TOX: variants seen among roughly 807,000 people sequenced by gnomAD.
The protein encoded by TOX is thymocyte selection associated high mobility group box, also known as thymocyte selection-associated high mobility group box protein TOX.
TOX carries 11 observed loss-of-function variants against 53.7 expected under a neutral mutation model. That is an observed-to-expected ratio of 0.20 (90% confidence interval 0.13 to 0.34). The LOEUF (loss-of-function observed/expected upper bound fraction) is 0.34, where lower values mean the gene tolerates loss of function less well. Among genes scored for constraint, TOX ranks in the 10% least tolerant of loss-of-function variants. TOX has a pLI of 1.00. For missense variants in TOX, 570 were observed against 664.6 expected, an observed-to-expected ratio of 0.86 and a Z score of 1.56; for synonymous variants, 225 against 245.3, an observed-to-expected ratio of 0.92 and a Z score of 0.77.
intron 3 of TOX, among the ~76,000 whole-genome samples, chr8:58,865,256 GT>G (rs1300962654): frequency 2.0e-5 from 3 of 152,066 alleles, no homozygotes; most frequent in Admixed American, 1.3e-4. Context: ...CTCTGGTGTG[GT>G]CCCTGCCATT....
chr8:58,815,536 G>C lies in TOX; in HGVS notation c.1194C>G (p.Pro398=), dbSNP rs756112914. Residue 398 remains proline (P), a synonymous_variant, in exon 7 of 9, where the codon CCC becomes CCG. Coordinates refer to ENST00000361421, the MANE Select transcript of TOX (RefSeq NM_014729.3). ...MHPSLPRNIA[P]KPNNQMPVTV... is the part of the protein sequence containing the mutation. ...TCACTGGCATTTGGTTATTCGGCTT[G>C]GGGGCTATGTTCCTGGGGAGACTAG... 1.9e-6 allele frequency: 3 copies of C among 1,613,980 alleles called. No homozygotes were observed. In the South Asian group the frequency reaches 3.3e-5, roughly 18 times the overall value.
At chr8:59,066,567 G>A (rs995813746) in intron 1 of TOX, among the ~76,000 whole-genome samples, 1 of 152,078 alleles carries the variant, frequency 6.6e-6, no homozygotes, top group Non-Finnish European at 1.5e-5. Flanking sequence ...CAGATTGCCT[G>A]CCTTCCCTCT....
chr8:59,025,540 G>C (rs1452455240), intron 1 of TOX, among the ~76,000 whole-genome samples: 9 of 152,018 alleles, frequency 5.9e-5, no homozygotes, highest in African/African-American at 2.2e-4. Flanking sequence ...TACACTTCTA[G>C]CCTTCTCTAT....
At chr8:58,884,435 T>A (rs1237969673) in intron 3 of TOX, among the ~76,000 whole-genome samples, 1 of 152,172 alleles carries the variant, frequency 6.6e-6, no homozygotes, top group Non-Finnish European at 1.5e-5. Context: ...TCAAAGTGGA[T>A]ACTAATGTAT....
At chr8:59,036,725 T>C (rs989864329) in intron 1 of TOX, among the ~76,000 whole-genome samples, 5 of 152,252 alleles carry the variant, frequency 3.3e-5, no homozygotes, top group Admixed American at 1.3e-4. Context: ...TATTCATTAC[T>C]GGTCTTAACA....
intron 1 of TOX, among the ~76,000 whole-genome samples, chr8:59,016,104 A>G (rs911841972): frequency 1.3e-5 from 2 of 152,160 alleles, no homozygotes; most frequent in Non-Finnish European, 2.9e-5. Context: ...TAGTCACTAA[A>G]TTGGTCTTCT....
intron 1 of TOX, among the ~76,000 whole-genome samples, chr8:59,018,873 T>G (rs983450708): frequency 6.6e-6 from 1 of 152,156 alleles, no homozygotes; most frequent in Non-Finnish European, 1.5e-5. Flanking sequence ...AACAGAATAA[T>G]TGTAATTTTT....
intron 3 of TOX, among the ~76,000 whole-genome samples, chr8:58,859,737 G>A (rs568648272): frequency 1.3e-5 from 2 of 152,190 alleles, no homozygotes; most frequent in Admixed American, 6.5e-5. Flanking sequence ...CTTCTTCCAC[G>A]AATGGGCCCC....
intron 1 of TOX, among the ~76,000 whole-genome samples, chr8:59,013,116 T>C (rs182826762): frequency 7.9e-5 from 12 of 152,290 alleles, no homozygotes; most frequent in African/African-American, 2.9e-4. Context: ...AGCAATGTTT[T>C]CTCAATTCTT....
chr8:59,064,458 A>G (rs1193493654), intron 1 of TOX, among the ~76,000 whole-genome samples: 5 of 152,268 alleles, frequency 3.3e-5, no homozygotes, highest in Non-Finnish European at 7.3e-5. Flanking sequence ...AAACTGCTAT[A>G]TAACTTGCAA....
intron 1 of TOX, among the ~76,000 whole-genome samples, chr8:59,086,262 G>A (rs1451923437): frequency 6.6e-6 from 1 of 152,096 alleles, no homozygotes; most frequent in Non-Finnish European, 1.5e-5. Flanking sequence ...TGGGATTACA[G>A]GTGTGAGCCA....
chr8:58,893,111 T>TGGGG (rs1342415169), intron 3 of TOX, among the ~76,000 whole-genome samples: 3 of 152,326 alleles, frequency 2.0e-5, no homozygotes, highest in African/African-American at 7.2e-5. Flanking sequence ...AACTCAGCAA[T>TGGGG]CTGTAACTGC....
At chr8:58,840,145 T>C (rs906070420) in intron 4 of TOX, among the ~76,000 whole-genome samples, 1 of 152,210 alleles carries the variant, frequency 6.6e-6, no homozygotes, top group Non-Finnish European at 1.5e-5. Flanking sequence ...ATGAAAGATA[T>C]ACCTAAGCAC....
chr8:59,021,463 C>CAAAAAAAAAAA (rs148800261), intron 1 of TOX, among the ~76,000 whole-genome samples: 2 of 69,732 alleles, frequency 2.9e-5, no homozygotes, highest in Non-Finnish European at 3.1e-5. Flanking sequence ...TTTCTACAAG[C>CAAAAAAAAAAA]AAAAAAAAAA....
rs61434586 is a variant in TOX at position 58,998,493 on chromosome 8, GTATA to G, written c.103-38489_103-38486del. Among the ~76,000 whole-genome samples, 95 of 63,572 alleles carry G rather than the reference GTATA, an allele frequency of 1.5e-3. 1 individual carries two copies. The highest frequency in any genetic ancestry group is 4.8e-3 in the African/African-American group (44 of 9,126). The allele number at this position is 63,572 out of a possible 152,430, so 41.7% of individuals were successfully genotyped here. ...GATAGAGCCAGACTCCATCTCAAAA[GTATA>G]TATATATATATATATATATATATAT... On this transcript the variant is annotated intron_variant, in intron 1 of 8. Transcript: ENST00000361421.
chr8:58,914,761 G>C (rs57882897), intron 3 of TOX, among the ~76,000 whole-genome samples: 2 of 74,958 alleles, frequency 2.7e-5, no homozygotes, highest in Non-Finnish European at 4.0e-5. Context: ...CGCAGAAGAC[G>C]GGTGATTTCT....
intron 5 of TOX, among the ~76,000 whole-genome samples, chr8:58,828,098 A>G (rs1810394485): frequency 6.6e-6 from 1 of 152,232 alleles, no homozygotes. Flanking sequence ...AATTATGTCT[A>G]AAGACCAAAT....
chr8:58,962,320 A>T (rs1159862439), intron 1 of TOX, among the ~76,000 whole-genome samples: 2 of 152,210 alleles, frequency 1.3e-5, no homozygotes, highest in Non-Finnish European at 2.9e-5. Flanking sequence ...TTATAACTAT[A>T]TTTTTAAGTA....
Position 58,808,156 on chromosome 8 carries a change from T to C in TOX, c.1506A>G (p.Pro502=). 1 of 1,613,988 alleles carries C rather than the reference T, an allele frequency of 6.2e-7. No homozygotes were observed. The highest frequency in any genetic ancestry group is 1.1e-5 in the South Asian group (1 of 91,062). Residue 502 remains proline (P), a synonymous_variant, in exon 8 of 9, where the codon CCA becomes CCG. Coordinates refer to ENST00000361421, the MANE Select transcript of TOX (RefSeq NM_014729.3). ...AGTCGTTATTCCAGTCCACCGGTTGTGGGGGAGGATTTCTGCACCCCGAAC... is the reference window on the plus strand; with the variant it reads ...AGTCGTTATTCCAGTCCACCGGTTGCGGGGGAGGATTTCTGCACCCCGAAC... ...YVRSGCRNPP[P]QPVDWNNDYC...
Sources: allele counts gnomAD v4.1 joint callset (sites outside exome capture counted in the v4.1 genomes callset), GRCh38; gene constraint gnomAD v4.1.1; transcripts MANE v1.5; gene names NCBI Gene and HGNC (gene_info 2026-07-23, HGNC 2026-07-21).